The following PCBD2 variants were observed in gnomAD, a reference collection of about 807,000 sequenced individuals.
PCBD2 encodes the protein pterin-4 alpha-carbinolamine dehydratase 2.
PCBD2 carries 12 observed loss-of-function variants against 16.4 expected under a neutral mutation model. The observed-to-expected ratio is 0.73, with a 90% CI of 0.47 to 1.19. PCBD2 has a LOEUF of 1.19. Among genes scored for constraint, PCBD2 ranks in the 50% most tolerant of loss-of-function variants. The pLI is 0.00. For synonymous variants in PCBD2, 58 were observed against 61.8 expected (o/e 0.94, Z 0.29); for missense variants, 138 against 156.8 (o/e 0.88, Z 0.64).
intron 2 of PCBD2, chr5:134,927,001 G>T: frequency 2.5e-6 from 1 of 398,450 alleles, no homozygotes; most frequent in South Asian, 1.3e-4. Context: ...TGAAGTCCTT[G>T]AGAGAGAATT....
chr5:134,922,950 A>G (rs1750922807), intron 2 of PCBD2, among the ~76,000 whole-genome samples: 1 of 152,224 alleles, frequency 6.6e-6, no homozygotes, highest in African/African-American at 2.4e-5. Flanking sequence ...TGCTGGGATT[A>G]CAGGCGTGAG....
chr5:134,958,904 T>G lies in PCBD2; in HGVS notation c.217-136T>G, dbSNP rs1751442582. 60 of 641,148 alleles carry G rather than the reference T, an allele frequency of 9.4e-5. No individual in the cohort carries two copies. In the South Asian group the frequency reaches 1.1e-3, roughly 12 times the overall value. 39.7% of individuals were successfully genotyped at this position (641,148 alleles called of 1,614,324 possible). On this transcript the variant is annotated intron_variant, in intron 2 of 3. Coordinates refer to ENST00000254908, the MANE Select transcript of PCBD2 (RefSeq NM_032151.5). Reference sequence around the variant, plus strand: ...GACCCCAGAGGCCTGCAGAGAGCAGTCCTTTCATAGTTGATTTCCACAGGC... The same window carrying G: ...GACCCCAGAGGCCTGCAGAGAGCAGGCCTTTCATAGTTGATTTCCACAGGC...
chr5:134,949,339 A>G (rs1251215773), intron 2 of PCBD2, among the ~76,000 whole-genome samples: 2 of 152,128 alleles, frequency 1.3e-5, no homozygotes, highest in African/African-American at 4.8e-5. Flanking sequence ...GGCCACAGAC[A>G]CTATAATATC....
Position 134,961,441 on chromosome 5 carries a change from G to A in PCBD2, c.*760G>A, listed in dbSNP as rs967006217. On this transcript the variant is annotated 3_prime_UTR_variant, in exon 4 of 4. Transcript: ENST00000254908. The stretch of plus-strand genomic sequence containing the variant: ...GCTGGGACTATAGGCACGTGCCACT[G>A]CGCCTAGCTAATTTTTGTATTTTTA... Among the ~76,000 whole-genome samples the A allele has an allele frequency of 2.7e-5, 4 of 150,930 alleles. No individual in the cohort carries two copies. The highest frequency in any genetic ancestry group is 4.4e-5 in the Non-Finnish European group (3 of 67,602).
intron 2 of PCBD2, among the ~76,000 whole-genome samples, chr5:134,951,790 ATT>A (rs1751360567): frequency 6.6e-6 from 1 of 152,126 alleles, no homozygotes; most frequent in Admixed American, 6.6e-5. Context: ...TCTGTTATCT[ATT>A]ATGTCCTTTG....
intron 2 of PCBD2, chr5:134,927,849 G>T (rs1163013261): frequency 2.3e-5 from 5 of 219,042 alleles, no homozygotes; most frequent in Non-Finnish European, 3.5e-5. Context: ...TAGGAGGGGG[G>T]TCGTTAGGGG....
At chr5:134,929,364 A>T (rs79012660) in intron 2 of PCBD2, among the ~76,000 whole-genome samples, 2 of 147,218 alleles carry the variant, frequency 1.4e-5, no homozygotes, top group African/African-American at 4.9e-5. Flanking sequence ...AAAAAAAAAA[A>T]GGGAAGAAAA....
intron 2 of PCBD2, chr5:134,925,900 G>T (rs1479907450): frequency 2.5e-6 from 1 of 392,860 alleles, no homozygotes; most frequent in Non-Finnish European, 4.5e-6. Flanking sequence ...GAGAAATCAT[G>T]CTAGGGCAAG....
chr5:134,913,385 A>G (rs745519321), intron 2 of PCBD2, among the ~76,000 whole-genome samples: 1 of 152,212 alleles, frequency 6.6e-6, no homozygotes, highest in African/African-American at 2.4e-5. Context: ...AGCTCAGCAC[A>G]TGGTGATCCA....
intron 2 of PCBD2, chr5:134,928,006 A>G (rs1468143830): frequency 1.3e-5 from 5 of 395,992 alleles, no homozygotes; most frequent in Non-Finnish European, 2.2e-5. Flanking sequence ...AGTGGTAGTA[A>G]TATAATTGTT....
At chr5:134,953,257 T>C (rs1475599795) in intron 2 of PCBD2, among the ~76,000 whole-genome samples, 1 of 151,550 alleles carries the variant, frequency 6.6e-6, no homozygotes. Context: ...TTGTTTCATT[T>C]TAATTATGTT....
intron 2 of PCBD2, chr5:134,926,581 C>T (rs72800367): frequency 2.8e-4 from 111 of 395,306 alleles, no homozygotes; most frequent in Middle Eastern, 1.9e-3. Context: ...AGTTCTTATG[C>T]GCTTTCTCGG....
Position 134,930,365 on chromosome 5 carries a change from A to G in PCBD2, c.216+19899A>G, listed in dbSNP as rs537219751. Among the ~76,000 whole-genome samples the G allele has an allele frequency of 2.0e-5, 3 of 152,008 alleles. No individual in the cohort carries two copies. In the South Asian group the frequency reaches 6.2e-4, roughly 31 times the overall value. ...AGTGCACTTAGTCCCAGGGGAACAT[A>G]GTGTTTCATCTTTTTGTTCCCTGTA... is the stretch of plus-strand genomic sequence containing the variant. On this transcript the variant is annotated intron_variant, in intron 2 of 3. Transcript: ENST00000254908.
intron 2 of PCBD2, among the ~76,000 whole-genome samples, chr5:134,935,429 A>C (rs1159957412): frequency 6.6e-6 from 1 of 152,174 alleles, no homozygotes; most frequent in East Asian, 1.9e-4. Flanking sequence ...CCCACATGTT[A>C]CGATTTGCAC....
intron 2 of PCBD2, among the ~76,000 whole-genome samples, chr5:134,950,502 T>A (rs1435140502): frequency 6.6e-6 from 1 of 152,218 alleles, no homozygotes; most frequent in East Asian, 1.9e-4. Context: ...GATGCACGAT[T>A]TTTGTCTTGG....
intron 2 of PCBD2, among the ~76,000 whole-genome samples, chr5:134,949,685 C>T (rs923819213): frequency 8.5e-5 from 13 of 152,140 alleles, no homozygotes; most frequent in African/African-American, 2.4e-4. Context: ...TCCTTTGCAG[C>T]GGCTAGAACA....
chr5:134,960,264 C>T (rs184767162), intron 3 of PCBD2, among the ~76,000 whole-genome samples: 6 of 152,116 alleles, frequency 3.9e-5, no homozygotes, highest in South Asian at 4.2e-4. Context: ...ATTAAAGTAA[C>T]GAGAGTTCAA....
At chr5:134,913,248 G>C (rs1312992875) in intron 2 of PCBD2, among the ~76,000 whole-genome samples, 1 of 152,226 alleles carries the variant, frequency 6.6e-6, no homozygotes, top group Non-Finnish European at 1.5e-5. Context: ...ATTTCAGCTA[G>C]TGATGAGTAC....
chr5:134,931,595 C>G (rs1037804149), intron 2 of PCBD2, among the ~76,000 whole-genome samples: 7 of 152,200 alleles, frequency 4.6e-5, no homozygotes, highest in African/African-American at 1.7e-4. Flanking sequence ...CTTGCTCAAA[C>G]TTCCAGAGGA....
Sources: gnomAD v4.1 joint callset for allele counts (sites outside exome capture counted in the v4.1 genomes callset) on GRCh38, gnomAD v4.1.1 for gene constraint, MANE v1.5 for transcripts, NCBI Gene and HGNC (gene_info 2026-07-23, HGNC 2026-07-21) for gene names.